Variants in INTS7 observed in about 807,000 individuals in gnomAD.
INTS7 encodes the protein chromosome 1 open reading frame 73.
Under a neutral mutation model 109.2 loss-of-function variants are expected in INTS7, and 46 were observed. The ratio of observed to expected loss-of-function variants is 0.42; its 90% CI spans 0.33 to 0.54. The LOEUF (loss-of-function observed/expected upper bound fraction) is 0.54. Among genes scored for constraint, INTS7 ranks in the 20% least tolerant of loss-of-function variants. The pLI, the probability that INTS7 is intolerant of heterozygous loss-of-function variation, is 0.07. For synonymous variants in INTS7, 412 were observed against 402.9 expected (o/e 1.02, Z -0.27); for missense variants, 929 against 1,132.4 (o/e 0.82, Z 2.58).
Position 211,942,858 on chromosome 1 carries a change from T to A in INTS7, c.2602-747A>T, listed in dbSNP as rs1055024053. Among the ~76,000 whole-genome samples, 5 of 152,222 alleles carry A rather than the reference T, an allele frequency of 3.3e-5. No individual in the cohort carries two copies. The highest frequency in any genetic ancestry group is 4.1e-4 in the South Asian group (2 of 4,832). ...GATGAAACGTGTCAAGAGACAGATT[T>A]ATCCTGAGAATGCAAATAAAGGTGA... On this transcript the variant is annotated intron_variant, in intron 19 of 19. Coordinates refer to ENST00000366994, the MANE Select transcript of INTS7 (RefSeq NM_015434.4). The surrounding 1 kb of genome is among the most constrained non-coding windows in gnomAD (Gnocchi z 4.2).
At chr1:211,971,901 G>A (rs1359007608) in intron 13 of INTS7, among the ~76,000 whole-genome samples, 2 of 115,318 alleles carry the variant, frequency 1.7e-5, no homozygotes, top group Non-Finnish European at 3.4e-5. Flanking sequence ...GGTGACAAGA[G>A]TGAAACTCAG....
chr1:211,961,941 C>T (rs1663652752), intron 16 of INTS7, among the ~76,000 whole-genome samples: 1 of 152,098 alleles, frequency 6.6e-6, no homozygotes, highest in South Asian at 2.1e-4. Context: ...AGTACACAGA[C>T]CAGTGAGACA....
At chr1:212,020,822 T>C in intron 2 of INTS7, 1 of 750,566 alleles carries the variant, frequency 1.3e-6, no homozygotes, top group South Asian at 5.3e-5. Flanking sequence ...ACACAGATTT[T>C]CCTGAAGTAC....
chr1:212,011,285 T>C, intron 5 of INTS7, 90 bp downstream of exon 5: 2 of 677,904 alleles, frequency 3.0e-6, no homozygotes, highest in Non-Finnish European at 5.1e-6. Context: ...GAATGTATGG[T>C]GACTAGCAAA....
chr1:211,953,158 G>A (rs1242609745), intron 16 of INTS7, among the ~76,000 whole-genome samples: 1 of 152,160 alleles, frequency 6.6e-6, no homozygotes, highest in Non-Finnish European at 1.5e-5. Context: ...AGTAAGATGG[G>A]TAAACTTTGG....
intron 13 of INTS7, among the ~76,000 whole-genome samples, chr1:211,974,552 T>C (rs1426737970): frequency 6.6e-6 from 1 of 152,058 alleles, no homozygotes; most frequent in Non-Finnish European, 1.5e-5. Context: ...TCTTTACTTT[T>C]AAAGGGAAAA....
At position 211,942,104 on chromosome 1, in the gene INTS7, A is replaced by T; in HGVS notation, c.2609T>A (p.Ile870Asn). The change falls in exon 20 of 20, where the codon ATT becomes AAT. Residue 870 changes from isoleucine (I) to asparagine (N), a missense_variant. Physicochemically the swap from Ile to Asn is moderately radical, Grantham distance 149 (BLOSUM62 -3). Around this residue, in one of 2 missense-constraint regions of INTS7, gnomAD observed 787 missense variants for 901.1 expected, o/e 0.87. Coordinates refer to ENST00000366994, the MANE Select transcript of INTS7 (RefSeq NM_015434.4). This position sits in a 1 kb window ranked among gnomAD's most constrained non-coding sequence, Gnocchi z 4.2. ...CTCCATCTCATTGGTCATGTTGTCA[A>T]TGGGTATCTGCAATGAAACAATTGT... Reference protein sequence around the residue: ...SKSGQDYKIPIDNMTNEMEQR... With the variant: ...SKSGQDYKIPNDNMTNEMEQR... 6.2e-7 allele frequency: 1 copy of T among 1,613,470 alleles called. No individual in the cohort carries two copies.
chr1:211,941,774 C>T lies in INTS7; in HGVS notation c.*50G>A. ...TTCCATATGAAAAACCAAACTGTTT[C>T]TGGCAATTTGATTGATCTCTTGAGA... On this transcript the variant is annotated 3_prime_UTR_variant, in exon 20 of 20. Transcript: ENST00000366994. 6.3e-7 allele frequency: 1 copy of T among 1,576,280 alleles called. No individual in the cohort carries two copies. Among genetic ancestry groups the T allele is most frequent in the Non-Finnish European group, 8.6e-7 (1 of 1,161,700 alleles).
At chr1:211,969,338 T>C (rs1279259473) in intron 13 of INTS7, among the ~76,000 whole-genome samples, 2 of 151,010 alleles carry the variant, frequency 1.3e-5, no homozygotes, top group African/African-American at 4.9e-5. Flanking sequence ...TTCAAGGACA[T>C]TACCATCCCC....
At chr1:212,007,043 T>C (rs1665953540) in intron 6 of INTS7, among the ~76,000 whole-genome samples, 1 of 151,912 alleles carries the variant, frequency 6.6e-6, no homozygotes, top group Non-Finnish European at 1.5e-5. Flanking sequence ...ATGTACTCCA[T>C]AACATCTCAT....
Position 211,966,402 on chromosome 1 carries a change from C to G in INTS7, c.2183+28G>C, listed in dbSNP as rs372786321. The G allele has an allele frequency of 6.0e-5, 77 of 1,285,758 alleles. No individual in the cohort carries two copies. The African/African-American group carries it at 1.1e-3, about 18-fold the overall frequency. 79.6% of individuals were successfully genotyped at this position (1,285,758 alleles called of 1,614,324 possible). ...ACAATGTATAGAAAGTGTTCTGTAA[C>G]GCCAACTATTATTAATATTAGAATT... On this transcript the variant is annotated intron_variant, in intron 16 of 19. Coordinates refer to ENST00000366994, the MANE Select transcript of INTS7 (RefSeq NM_015434.4).
At position 211,942,412 on chromosome 1, in the gene INTS7, C is replaced by T. The variant is rs561394799; in HGVS notation, c.2602-301G>A. ...CTTGAGTAGAATGAGCTCCCAGAGC[C>T]GTTGACAGCCCCTTCACATGCTGGC... On this transcript the variant is annotated intron_variant, in intron 19 of 19. Coordinates refer to ENST00000366994, the MANE Select transcript of INTS7 (RefSeq NM_015434.4). This position sits in a 1 kb window ranked among gnomAD's most constrained non-coding sequence, Gnocchi z 4.2. 4.6e-5 allele frequency among the ~76,000 whole-genome samples: 7 copies of T among 152,250 alleles called. No individual in the cohort carries two copies. Among genetic ancestry groups the T allele is most frequent in the South Asian group, 4.1e-4 (2 of 4,820 alleles).
At chr1:212,031,352 G>C (rs1416982691) in intron 1 of INTS7, among the ~76,000 whole-genome samples, 1 of 152,198 alleles carries the variant, frequency 6.6e-6, no homozygotes, top group Non-Finnish European at 1.5e-5. Flanking sequence ...ACTAATTTTT[G>C]TGAGATGCAT....
rs2788136 is a variant in INTS7 at position 211,946,983 on chromosome 1, A to G, written c.2317-278T>C. ...AGCAATAGGCAAATTCCACATTTCT[A>G]CAGCGCTCAGAACTATCAGTATATT... On this transcript the variant is annotated intron_variant, in intron 17 of 19. Transcript: ENST00000366994. The surrounding 1 kb of genome is among the most constrained non-coding windows in gnomAD (Gnocchi z 4.3). Among the ~76,000 whole-genome samples, 6,574 of 152,344 alleles carry G rather than the reference A, an allele frequency of 0.043. 189 individuals are homozygous for G. The highest frequency in any genetic ancestry group is 0.074 in the African/African-American group (3,081 of 41,578).
chr1:212,025,723 CCTTGGTAAGGATTT>C (rs1666888701), intron 1 of INTS7: 2 of 155,320 alleles, frequency 1.3e-5, no homozygotes, highest in Admixed American at 1.3e-4. Flanking sequence ...AGAATGAATA[CCTTGGTAAGGATTT>C]AACAGCATCA....
At chr1:212,034,413 C>G (rs1667325236) in intron 1 of INTS7, among the ~76,000 whole-genome samples, 1 of 152,130 alleles carries the variant, frequency 6.6e-6, no homozygotes, top group African/African-American at 2.4e-5. Flanking sequence ...TGGGAAGTGG[C>G]TCAAACCCTT....
intron 4 of INTS7, among the ~76,000 whole-genome samples, chr1:212,015,518 T>TA (rs1205724809): frequency 6.6e-6 from 1 of 151,848 alleles, no homozygotes; most frequent in Non-Finnish European, 1.5e-5. Context: ...GCATACTCGT[T>TA]AAGAGTCATC....
intron 5 of INTS7, among the ~76,000 whole-genome samples, chr1:212,009,584 T>A (rs1253068089): frequency 1.3e-5 from 2 of 152,214 alleles, no homozygotes; most frequent in Non-Finnish European, 2.9e-5. Context: ...TAACCTCTCT[T>A]TAACCTGTAC....
intron 7 of INTS7, among the ~76,000 whole-genome samples, 170 bp from the exon 8 acceptor site, chr1:211,988,173 A>G (rs1041030393): frequency 5.9e-5 from 9 of 152,052 alleles, no homozygotes; most frequent in Non-Finnish European, 1.0e-4. Context: ...TGGTAATCCC[A>G]CCAGTTTGGG....
Sources: gnomAD v4.1 joint callset for allele counts (sites outside exome capture counted in the v4.1 genomes callset) on GRCh38, gnomAD v4.1.1 for gene constraint, gnomAD v4.1.1 regional missense constraint, Gnocchi (gnomAD v3.1) non-coding constraint, MANE v1.5 for transcripts, NCBI Gene and HGNC (gene_info 2026-07-23, HGNC 2026-07-21) for gene names.